GCN1: variants seen among roughly 807,000 people sequenced by gnomAD.
GCN1 encodes stalled ribosome sensor GCN1.
A neutral mutation model predicts 288.4 loss-of-function variants in GCN1; 90 were observed. That is an observed-to-expected ratio of 0.31 (90% CI 0.26 to 0.37). The LOEUF is 0.37. Among genes scored for constraint, GCN1 ranks in the 10% least tolerant of loss-of-function variants. The pLI is 1.00. For synonymous variants in GCN1, 1,386 were observed against 1,420.2 expected, an observed-to-expected ratio of 0.98 and a Z score of 0.54; for missense variants, 2,586 against 3,419.9, an observed-to-expected ratio of 0.76 and a Z score of 6.08.
At position 120,137,914 on chromosome 12, in the gene GCN1, G is replaced by T. The variant is rs1333321690; in HGVS notation, c.6380C>A (p.Pro2127Gln). The change falls in exon 48 of 58, where the codon CCA (proline) becomes CAA (glutamine). Residue 2127 changes from proline to glutamine, a missense_variant. Transcript: ENST00000300648. This position sits in a 1 kb window ranked among gnomAD's most constrained non-coding sequence, Gnocchi z 5.2. ...CTCGCCCCTTACCAGCTGCTCATCTGGGGTCCCAAGCTTTTCCTTCAGGGC... is the reference window on the plus strand; with the variant it reads ...CTCGCCCCTTACCAGCTGCTCATCTTGGGTCCCAAGCTTTTCCTTCAGGGC... ...MLALKEKLGT[P>Q]DEQLEMANCQ... 6.2e-7 allele frequency: 1 copy of T among 1,614,154 alleles called. No individual in the cohort carries two copies. Among genetic ancestry groups the T allele is most frequent in the Non-Finnish European group, 8.5e-7 (1 of 1,180,002 alleles).
At chr12:120,138,650 G>T (rs200822269) in intron 46 of GCN1, 45 bp downstream of exon 46, 1 of 1,579,984 alleles carries the variant, frequency 6.3e-7, no homozygotes, top group South Asian at 1.1e-5. Context: ...CTACAAAGAC[G>T]GCAAAAGCCA....
intron 55 of GCN1, 27 bp downstream of exon 55, chr12:120,131,158 C>T (rs1876805542): frequency 6.2e-7 from 1 of 1,611,344 alleles, no homozygotes; most frequent in Non-Finnish European, 8.5e-7. Flanking sequence ...TGGCCTATGC[C>T]TATGGGATAT....
chr12:120,149,099 G>A (rs549991567), intron 36 of GCN1, among the ~76,000 whole-genome samples: 3 of 151,880 alleles, frequency 2.0e-5, no homozygotes, highest in East Asian at 3.9e-4. Flanking sequence ...AGCTTTCCTG[G>A]GGGGGGAAAA....
chr12:120,153,201 G>A lies in GCN1; in HGVS notation c.4062+12C>T, dbSNP rs1374300505. The A allele has an allele frequency of 1.2e-6, 2 of 1,611,932 alleles. No homozygotes were observed. Among genetic ancestry groups the A allele is most frequent in the Admixed American group, 1.7e-5 (1 of 59,996 alleles). ...TAACCGACATGTGGGTCCCAGGCCA[G>A]ATGGCAGGTACCTGCTGGGAGGGGG... On this transcript the variant is annotated intron_variant, in intron 33 of 57. Coordinates refer to ENST00000300648, the MANE Select transcript of GCN1 (RefSeq NM_006836.2). This position sits in a 1 kb window ranked among gnomAD's most constrained non-coding sequence, Gnocchi z 4.4.
rs1282997347 is a variant in GCN1 at position 120,156,730 on chromosome 12, G to C, written c.3169-126C>G. 67 of 1,045,010 alleles carry C rather than the reference G, an allele frequency of 6.4e-5. No individual in the cohort carries two copies. The highest frequency in any genetic ancestry group is 9.3e-5 in the Non-Finnish European group (65 of 698,650). 64.7% of individuals were successfully genotyped at this position (1,045,010 alleles called of 1,614,324 possible). A position where few individuals can be genotyped will look rare whatever the true frequency, so the allele number is the denominator to read the frequency against. ...AAGGGCTAAGACCCCAGCTCCAGTG[G>C]CAGGACCCAAGCAAAACCCCTCACT... On this transcript the variant is annotated intron_variant, in intron 27 of 57. Coordinates refer to ENST00000300648, the MANE Select transcript of GCN1 (RefSeq NM_006836.2). The surrounding 1 kb of genome is among the most constrained non-coding windows in gnomAD (Gnocchi z 5.8).
intron 45 of GCN1, 66 bp downstream of exon 45, chr12:120,140,793 C>T (rs981420631): frequency 2.0e-6 from 3 of 1,483,268 alleles, no homozygotes; most frequent in Non-Finnish European, 1.9e-6. Context: ...TTCAGTAGCC[C>T]TCCCCCGCCC....
At position 120,173,831 on chromosome 12, in the gene GCN1, G is replaced by C. The variant is rs1403012304; in HGVS notation, c.1193-5C>G. On this transcript the variant is annotated splice_region_variant and splice_polypyrimidine_tract_variant and intron_variant, in intron 13 of 57. Coordinates refer to ENST00000300648, the MANE Select transcript of GCN1 (RefSeq NM_006836.2). Reference sequence around the variant, plus strand: ...GTACCAAGGTCCCTTCATGAACTAGGGCAAAAAGCAGAAGTCCAGTCAGTC... The same window carrying C: ...GTACCAAGGTCCCTTCATGAACTAGCGCAAAAAGCAGAAGTCCAGTCAGTC... 2 of 1,611,126 alleles carry C rather than the reference G, an allele frequency of 1.2e-6. No individual in the cohort carries two copies. The highest frequency in any genetic ancestry group is 3.4e-5 in the Admixed American group (2 of 59,452).
At chr12:120,182,924 G>A in intron 5 of GCN1, among the ~76,000 whole-genome samples, 1 of 131,432 alleles carries the variant, frequency 7.6e-6, no homozygotes, top group South Asian at 2.8e-4. Context: ...AACAGAGCAA[G>A]ACTCCGTCTC....
At position 120,144,245 on chromosome 12, in the gene GCN1, G is replaced by A. The variant is rs1236600431; in HGVS notation, c.5495+61C>T. ...CCTGCCTCGGCTTTCCAGAGTGCTC[G>A]GATTATAGGCATGAGCCACCACGCA... On this transcript the variant is annotated intron_variant, in intron 42 of 57. Transcript: ENST00000300648. This position sits in a 1 kb window ranked among gnomAD's most constrained non-coding sequence, Gnocchi z 4.7. The A allele has an allele frequency of 2.8e-5, 45 of 1,587,710 alleles. No individual in the cohort carries two copies. Among genetic ancestry groups the A allele is most frequent in the Middle Eastern group, 1.7e-4 (1 of 6,018 alleles).
intron 55 of GCN1, 89 bp downstream of exon 55, chr12:120,131,096 C>T (rs1876802243): frequency 8.4e-7 from 1 of 1,194,638 alleles, no homozygotes; most frequent in Non-Finnish European, 1.2e-6. Flanking sequence ...CTTCTTAAGC[C>T]CCAGTCTGGG....
rs913708431 is a variant in GCN1 at position 120,131,917 on chromosome 12, T to C, written c.7414+9A>G. 6 of 1,571,112 alleles carry C rather than the reference T, an allele frequency of 3.8e-6. No individual in the cohort carries two copies. The South Asian group carries it at 4.6e-5, about 12-fold the overall frequency. On this transcript the variant is annotated intron_variant, in intron 54 of 57. Coordinates refer to ENST00000300648, the MANE Select transcript of GCN1 (RefSeq NM_006836.2). Reference sequence around the variant, plus strand: ...AGGTCCCTGAAGGGGAACTCTCCAGTGTACTTACCCAGCAAGCACTGCTGT... The same window carrying C: ...AGGTCCCTGAAGGGGAACTCTCCAGCGTACTTACCCAGCAAGCACTGCTGT...
In GCN1 at chr12:120,166,621, G is replaced by A. The variant is rs371180561; in HGVS notation, c.1612+1587C>T. 3.9e-4 allele frequency among the ~76,000 whole-genome samples: 56 copies of A among 142,696 alleles called. 2 individuals carry two copies. In the East Asian group the frequency reaches 0.011, roughly 28 times the overall value. The allele number at this position is 142,696 out of a possible 152,430, so 93.6% of individuals were successfully genotyped here. A position where few individuals can be genotyped will look rare whatever the true frequency, so the allele number is the denominator to read the frequency against. Reference sequence around the variant, plus strand: ...CAGGAGGCTGAGGCAGGAGAATGGCGTGAACCCGGGAGGCGGAGCTTGCAG... The same window carrying A: ...CAGGAGGCTGAGGCAGGAGAATGGCATGAACCCGGGAGGCGGAGCTTGCAG... On this transcript the variant is annotated intron_variant, in intron 16 of 57. Transcript: ENST00000300648.
chr12:120,141,369 C>G (rs1299083676), intron 44 of GCN1, among the ~76,000 whole-genome samples: 1 of 152,150 alleles, frequency 6.6e-6, no homozygotes, highest in African/African-American at 2.4e-5. Context: ...GGAGCCGAAT[C>G]TGGAACAAAG....
In GCN1 at chr12:120,153,598, T is replaced by G; in HGVS notation, c.3867+146A>C. The G allele has an allele frequency of 1.1e-6, 1 of 901,978 alleles. No individual in the cohort carries two copies. Among genetic ancestry groups the G allele is most frequent in the Non-Finnish European group, 1.7e-6 (1 of 585,778 alleles). The allele number at this position is 901,978 out of a possible 1,614,324, so 55.9% of individuals were successfully genotyped here. A position where few individuals can be genotyped will look rare whatever the true frequency, so the allele number is the denominator to read the frequency against. ...AAGAATTTAACACACTATCATGGTC[T>G]TTTTGGCTCAAAGTGCTCTGCCAGG... On this transcript the variant is annotated intron_variant, in intron 32 of 57. Coordinates refer to ENST00000300648, the MANE Select transcript of GCN1 (RefSeq NM_006836.2). This position sits in a 1 kb window ranked among gnomAD's most constrained non-coding sequence, Gnocchi z 4.4.
Position 120,191,987 on chromosome 12 carries a change from C to T in GCN1, c.19-1587G>A, listed in dbSNP as rs1275061644. ...TTTCCCCAGTGGAAGTCCCCAGTTT[C>T]ACATACAGGCTAGGTCAGTAGTCAG... On this transcript the variant is annotated intron_variant, in intron 1 of 57. Coordinates refer to ENST00000300648, the MANE Select transcript of GCN1 (RefSeq NM_006836.2). 2.0e-5 allele frequency among the ~76,000 whole-genome samples: 3 copies of T among 152,172 alleles called. No homozygotes were observed. The East Asian group carries it at 5.8e-4, about 29-fold the overall frequency.
chr12:120,174,400 G>A (rs1878411581), intron 12 of GCN1, among the ~76,000 whole-genome samples: 1 of 152,202 alleles, frequency 6.6e-6, no homozygotes, highest in South Asian at 2.1e-4. Flanking sequence ...TGTCAAGCAG[G>A]CAAGCAGCAG....
chr12:120,186,261 C>T (rs1373467240), intron 2 of GCN1, among the ~76,000 whole-genome samples: 1 of 152,020 alleles, frequency 6.6e-6, no homozygotes, highest in African/African-American at 2.4e-5. Flanking sequence ...ATCACCTAAG[C>T]CTGGGAGATT....
chr12:120,128,837 C>CTTTTTTTTTTTTTTT (rs35329199), intron 57 of GCN1, among the ~76,000 whole-genome samples: 1 of 98,414 alleles, frequency 1.0e-5, no homozygotes, highest in Non-Finnish European at 1.9e-5. Flanking sequence ...TCACCCAAAT[C>CTTTTTTTTTTTTTTT]TTTTTTTTTT....
In GCN1 at chr12:120,156,434, G is replaced by C. The variant is rs1566307098; in HGVS notation, c.3312+27C>G. 1.2e-6 allele frequency: 2 copies of C among 1,608,742 alleles called. No individual in the cohort carries two copies. Among genetic ancestry groups the C allele is most frequent in the Non-Finnish European group, 1.7e-6 (2 of 1,176,606 alleles). On this transcript the variant is annotated intron_variant, in intron 28 of 57. Coordinates refer to ENST00000300648, the MANE Select transcript of GCN1 (RefSeq NM_006836.2). This position sits in a 1 kb window ranked among gnomAD's most constrained non-coding sequence, Gnocchi z 5.8. ...CTTGCATAGAGTGACAAGGGACACT[G>C]CAGTGGCTCTGAGACTGAGCACACA... is the stretch of plus-strand genomic sequence containing the variant.
Sources: allele counts gnomAD v4.1 joint callset (sites outside exome capture counted in the v4.1 genomes callset), GRCh38; gene constraint gnomAD v4.1.1; non-coding constraint Gnocchi (gnomAD v3.1); transcripts MANE v1.5; gene names NCBI Gene and HGNC (gene_info 2026-07-23, HGNC 2026-07-21).